The following INSL6 variants were observed in gnomAD, a reference collection of about 807,000 sequenced individuals.
The protein encoded by INSL6 is insulin like 6, also known as insulin-like peptide INSL6.
INSL6 carries 16 observed loss-of-function variants against 9.4 expected under a neutral mutation model. That is an observed-to-expected ratio of 1.70 (90% CI 1.15 to 2.59). INSL6 has a LOEUF of 2.59. Ranked by LOEUF, INSL6 falls within the 30% of genes most tolerant of loss-of-function variation. The pLI is 0.00. For missense variants in INSL6, 391 were observed against 257.3 expected, an observed-to-expected ratio of 1.52 and a Z score of -3.56; for synonymous variants, 154 against 96.9, an observed-to-expected ratio of 1.59 and a Z score of -3.46.
chr9:5,003,809 T>G, the INSL6 span, among the ~76,000 whole-genome samples: 1 of 151,982 alleles, frequency 6.6e-6, no homozygotes, highest in Non-Finnish European at 1.5e-5. Flanking sequence ...AGATCAATAT[T>G]TTACCATTAG....
chr9:5,111,847 G>A, the INSL6 span: 119 of 400,756 alleles, frequency 3.0e-4, no homozygotes, highest in Non-Finnish European at 5.6e-4. Flanking sequence ...CGGCGGGGCC[G>A]ACAACCTCCT....
At chr9:5,090,267 C>T in the INSL6 span, among the ~76,000 whole-genome samples, 1 of 152,108 alleles carries the variant, frequency 6.6e-6, no homozygotes, top group Non-Finnish European at 1.5e-5. Context: ...TTTATTCATT[C>T]AAAAGTTTTT....
At chr9:5,077,957 C>T in the INSL6 span, among the ~76,000 whole-genome samples, 2 of 152,174 alleles carry the variant, frequency 1.3e-5, no homozygotes, top group Admixed American at 1.3e-4. Flanking sequence ...GACTGCCAGT[C>T]ATCAGACCCC....
At chr9:5,029,668 A>T in the INSL6 span, 15 of 889,738 alleles carry the variant, frequency 1.7e-5, no homozygotes, top group Middle Eastern at 2.9e-4. Flanking sequence ...GACTGCTATT[A>T]CATTTTGTTC....
the INSL6 span, chr9:5,044,465 G>C: frequency 2.5e-6 from 4 of 1,613,158 alleles, no homozygotes; most frequent in South Asian, 3.3e-5. Context: ...GGAATATCTC[G>C]AGGTGCTGAA....
chr9:5,074,372 T>G, the INSL6 span, among the ~76,000 whole-genome samples: 2 of 152,196 alleles, frequency 1.3e-5, no homozygotes, highest in African/African-American at 4.8e-5. Flanking sequence ...CAACCCAGTG[T>G]CTAGCAACTC....
intron 3 of INSL6, chr9:5,126,946 T>A (rs988584728): frequency 3.4e-5 from 14 of 413,826 alleles, no homozygotes; most frequent in Admixed American, 8.9e-5. Flanking sequence ...CTTTCAAAGT[T>A]TAGTAAGTTT....
chr9:5,076,184 T>C, the INSL6 span, among the ~76,000 whole-genome samples: 3 of 152,192 alleles, frequency 2.0e-5, no homozygotes, highest in African/African-American at 2.4e-5. Context: ...GCTGTGAACA[T>C]TGTGAAATGA....
chr9:5,132,999 G>A (rs538226007), intron 3 of INSL6, among the ~76,000 whole-genome samples: 2 of 152,264 alleles, frequency 1.3e-5, no homozygotes, highest in Non-Finnish European at 2.9e-5. Context: ...AGGGTATGTT[G>A]GACCTGGGGT....
intron 3 of INSL6, among the ~76,000 whole-genome samples, chr9:5,130,919 C>T (rs932999091): frequency 6.6e-6 from 1 of 150,632 alleles, no homozygotes; most frequent in African/African-American, 2.4e-5. Flanking sequence ...TTAGTAGAGA[C>T]GGGGTTTCAC....
chr9:5,173,607 C>A (rs1002840526), intron 1 of INSL6, among the ~76,000 whole-genome samples: 8 of 151,484 alleles, frequency 5.3e-5, no homozygotes, highest in African/African-American at 1.9e-4. Flanking sequence ...TGGGGCCTGT[C>A]AGAGGGTGGG....
the INSL6 span, chr9:5,072,465 CT>C: frequency 6.7e-7 from 1 of 1,490,728 alleles, no homozygotes; most frequent in Non-Finnish European, 9.0e-7. Context: ...TTTACTCATT[CT>C]TTTCTTTTAC....
chr9:5,114,244 CAATCACCTGTCTGGTG>C, the INSL6 span: 1 of 533,432 alleles, frequency 1.9e-6, no homozygotes, highest in African/African-American at 1.9e-5. Flanking sequence ...AAGTTGCCCA[CAATCACCTGTCTGGTG>C]GTGGACCTGG....
the INSL6 span, among the ~76,000 whole-genome samples, chr9:4,997,175 T>G: frequency 6.6e-6 from 1 of 152,044 alleles, no homozygotes; most frequent in Non-Finnish European, 1.5e-5. Context: ...CCAGCAATCT[T>G]TCTGCATCAG....
At chr9:5,089,945 G>C in the INSL6 span, 35 of 951,336 alleles carry the variant, frequency 3.7e-5, no homozygotes, top group African/African-American at 4.8e-4. Context: ...ATGTCTTAAC[G>C]ATCTGGACTT....
chr9:5,080,920 G>T, the INSL6 span, among the ~76,000 whole-genome samples: 45 of 117,110 alleles, frequency 3.8e-4, 1 homozygote, highest in Non-Finnish European at 5.0e-5. Flanking sequence ...TTTTGAGATG[G>T]AGTCTTACTC....
chr9:4,997,783 A>G, the INSL6 span, among the ~76,000 whole-genome samples: 5 of 152,238 alleles, frequency 3.3e-5, no homozygotes, highest in Non-Finnish European at 5.9e-5. Context: ...AAAATAGTGC[A>G]TGATAGTATA....
At chr9:5,043,240 C>A in the INSL6 span, among the ~76,000 whole-genome samples, 4 of 152,066 alleles carry the variant, frequency 2.6e-5, no homozygotes, top group African/African-American at 9.7e-5. Context: ...CTGGTTTTTG[C>A]TTTACCAAGT....
At chr9:5,146,036 G>A (rs1312020462) in intron 2 of INSL6, among the ~76,000 whole-genome samples, 1 of 152,110 alleles carries the variant, frequency 6.6e-6, no homozygotes, top group African/African-American at 2.4e-5. Context: ...CTGGCTTTTT[G>A]AGTGTTCGCA....
Sources: allele counts gnomAD v4.1 joint callset (sites outside exome capture counted in the v4.1 genomes callset), GRCh38; gene constraint gnomAD v4.1.1; transcripts MANE v1.5; gene names NCBI Gene and HGNC (gene_info 2026-07-23, HGNC 2026-07-21).